The following SSX7 variants were observed in gnomAD, a reference collection of about 807,000 sequenced individuals.
The protein encoded by SSX7 is SSX family member 7.
SSX7 carries 15 observed loss-of-function variants against 14.7 expected under a neutral mutation model. The ratio of observed to expected loss-of-function variants is 1.02; its 90% CI spans 0.68 to 1.58. SSX7 has a LOEUF of 1.58. Among genes scored for constraint, SSX7 ranks in the 40% most tolerant of loss-of-function variants. The pLI, the probability that SSX7 is intolerant of heterozygous loss-of-function variation, is 0.00. For missense variants in SSX7, 178 were observed against 146.8 expected (o/e 1.21, Z -1.10); for synonymous variants, 46 against 50.6 (o/e 0.91, Z 0.38).
intron 4 of SSX7, 133 bp downstream of exon 4, chrX:52,652,119 T>C: frequency 5.9e-6 from 3 of 508,871 alleles, no homozygotes; most frequent in Non-Finnish European, 1.0e-5. Context: ...ACTTTCTGCA[T>C]GCAATTTTTT....
At chrX:52,644,784 C>G in intron 7 of SSX7, 114 bp from the exon 8 acceptor site, 1 of 834,128 alleles carries the variant, frequency 1.2e-6, no homozygotes, top group East Asian at 3.1e-5. Flanking sequence ...TGCCCTACCC[C>G]AGGACCTGCA....
chrX:52,653,111 A>T, intron 2 of SSX7, 127 bp from the exon 3 acceptor site: 1 of 1,169,872 alleles, frequency 8.5e-7, no homozygotes, highest in East Asian at 3.1e-5. Context: ...CGACAACATG[A>T]GCGACCTTTC....
chrX:52,652,636 A>C (rs1925472602), intron 3 of SSX7, among the ~76,000 whole-genome samples: 1 of 109,503 alleles, frequency 9.1e-6, no homozygotes, highest in Non-Finnish European at 1.9e-5. Flanking sequence ...TCATCAGAAC[A>C]GAAGCCTAAG....
intron 6 of SSX7, among the ~76,000 whole-genome samples, chrX:52,646,432 C>A (rs1205918959): frequency 8.9e-6 from 1 of 112,815 alleles, no homozygotes; most frequent in Non-Finnish European, 1.9e-5. Context: ...TTTTGATACA[C>A]GCATGCCATG....
At position 52,649,036 on chromosome X, in the gene SSX7, T is replaced by G. The variant is rs190009096; in HGVS notation, c.331-640A>C. On this transcript the variant is annotated intron_variant, in intron 5 of 7. Transcript: ENST00000298181. Reference sequence around the variant, plus strand: ...CCAACAATCTTAAGCTACTTTTTTTTTTGTTGTTTTGTTTTGAGACAGAGT... The same window carrying G: ...CCAACAATCTTAAGCTACTTTTTTTGTTGTTGTTTTGTTTTGAGACAGAGT... Among the ~76,000 whole-genome samples, 102 of 111,064 alleles carry G rather than the reference T, an allele frequency of 9.2e-4. 1 individual carries two copies. In the Middle Eastern group the frequency reaches 0.042, roughly 45 times the overall value.
chrX:52,648,327 TC>T lies in SSX7; in HGVS notation c.399del (p.Asn134ThrfsTer42), dbSNP rs782112183. The T allele has an allele frequency of 8.3e-7, 1 of 1,210,315 alleles. No homozygotes were observed. Among genetic ancestry groups the T allele is most frequent in the African/African-American group, 1.7e-5 (1 of 57,266 alleles). On this transcript the variant is annotated frameshift_variant, in exon 6 of 8. Coordinates refer to ENST00000298181, the MANE Select transcript of SSX7 (RefSeq NM_173358.2). LOFTEE classifies it high-confidence loss of function. ...GGAGGGCACAGGTGTTTCCCATCGT[TC>T]TGTGAGCCAGATGCTTCTGGCACTC... Reference protein sequence around the residue: ...SKGVPEASGSQNDGKHLCPPG... With the variant: ...SKGVPEASGSXNDGKHLCPPG...
chrX:52,648,519 C>T, intron 5 of SSX7, 123 bp from the exon 6 acceptor site: 4 of 1,036,707 alleles, frequency 3.9e-6, no homozygotes, highest in African/African-American at 1.9e-5. Flanking sequence ...GGGAGAGTTA[C>T]ACATGCCTAA....
rs1363987698 is a variant in SSX7, at chrX:52,653,426, T to G, written c.47A>C (p.Gln16Pro). ...AFARRPRAGAQIPEKIQKSFD... is the reference protein window; with the variant it reads ...AFARRPRAGAPIPEKIQKSFD... ...CACCTTTTGGATCTTCTCTGGTATT[T>G]GAGCACCAGCCCTAGGTCTCCTTGC... is the stretch of plus-strand genomic sequence containing the variant. Residue 16 changes from glutamine (Q) to proline (P), a missense_variant, in exon 2 of 8, where the codon CAA (glutamine) becomes CCA (proline). Gln to Pro is a moderately conservative substitution (Grantham distance 76, BLOSUM62 -1). Coordinates refer to ENST00000298181, the MANE Select transcript of SSX7 (RefSeq NM_173358.2). 8.3e-7 allele frequency: 1 copy of G among 1,211,555 alleles called. No homozygotes were observed. The highest frequency in any genetic ancestry group is 1.1e-6 in the Non-Finnish European group (1 of 895,425).
intron 5 of SSX7, among the ~76,000 whole-genome samples, chrX:52,649,232 T>C (rs782204645): frequency 9.0e-6 from 1 of 111,176 alleles, no homozygotes; most frequent in Admixed American, 9.6e-5. Context: ...GGTTTTACCA[T>C]GTTGGGCAGG....
chrX:52,649,258 T>C (rs1925348907), intron 5 of SSX7, among the ~76,000 whole-genome samples: 6 of 111,209 alleles, frequency 5.4e-5, no homozygotes, highest in Non-Finnish European at 3.8e-5. Flanking sequence ...CTTGACCTCT[T>C]GACCTAGTGA....
intron 5 of SSX7, 126 bp downstream of exon 5, chrX:52,650,227 G>C: frequency 1.2e-6 from 1 of 835,965 alleles, no homozygotes; most frequent in Admixed American, 2.5e-5. Context: ...GCTACATCAG[G>C]TGTTGTGATA....
rs186572153 is a variant in SSX7 at position 52,649,573 on chromosome X, C to A, written c.330+780G>T. ...GTGGGGTCACTCATTCAGGGGCCTC[C>A]GAGGGATCCCCTGGGCTGGGATGGG... On this transcript the variant is annotated intron_variant, in intron 5 of 7. Transcript: ENST00000298181. 8.9e-5 allele frequency among the ~76,000 whole-genome samples: 10 copies of A among 111,817 alleles called. No individual in the cohort carries two copies. The East Asian group carries it at 2.3e-3, about 25-fold the overall frequency.
At position 52,644,673 on chromosome X, in the gene SSX7, G is replaced by A. The variant is rs1925176189; in HGVS notation, c.*5-3C>T. The A allele has an allele frequency of 8.4e-7, 1 of 1,196,085 alleles. No individual in the cohort carries two copies. Among genetic ancestry groups the A allele is most frequent in the East Asian group, 3.0e-5 (1 of 33,811 alleles). On this transcript the variant is annotated splice_polypyrimidine_tract_variant and splice_region_variant and intron_variant, in intron 7 of 7. Transcript: ENST00000298181. ...GGGCATATGTCGTATCCCCGAGGCT[G>A]AGGCAAGAAGAGAGAAGGAAAGTAA...
chrX:52,647,543 T>C (rs1402410142), intron 6 of SSX7, among the ~76,000 whole-genome samples: 3 of 111,646 alleles, frequency 2.7e-5, no homozygotes, highest in Non-Finnish European at 5.6e-5. Flanking sequence ...GTTGTGTTCT[T>C]TTAAGAAACT....
At chrX:52,654,074 C>T (rs1480984471) in intron 1 of SSX7, among the ~76,000 whole-genome samples, 12 of 111,000 alleles carry the variant, frequency 1.1e-4, no homozygotes, top group African/African-American at 3.3e-4. Context: ...TACAAGAGCC[C>T]GCCATCACTT....
At position 52,652,331 on chromosome X, in the gene SSX7, G is replaced by A; in HGVS notation, c.201C>T (p.Leu67=). Residue 67 remains leucine (L), a synonymous_variant, in exon 4 of 8, where the codon CTC becomes CTT. Coordinates refer to ENST00000298181, the MANE Select transcript of SSX7 (RefSeq NM_173358.2). ...AMTKLGFKAT[L]PPFMHNTGAT... is the part of the protein sequence containing the mutation. ...CCCCTGTATTATGCATGAAAGGTGG[G>A]AGGGTGGCCTTGAAGCCTAGAAAGA... is the stretch of plus-strand genomic sequence containing the variant. The A allele has an allele frequency of 8.3e-7, 1 of 1,207,364 alleles. No homozygotes were observed. Among genetic ancestry groups the A allele is most frequent in the Admixed American group, 2.2e-5 (1 of 45,752 alleles).
chrX:52,654,348 G>A (rs1181248717), intron 1 of SSX7, among the ~76,000 whole-genome samples: 2 of 96,306 alleles, frequency 2.1e-5, no homozygotes, highest in Non-Finnish European at 4.1e-5. Context: ...GATCCCAGGA[G>A]GAAAGATTTG....
chrX:52,653,399 C>T lies in SSX7; in HGVS notation c.69+5G>A, dbSNP rs2146498796. ...CACTACTCTGCTCCCTCCAGGTCAC[C>T]TCACCTTTTGGATCTTCTCTGGTAT... On this transcript the variant is annotated splice_donor_5th_base_variant and intron_variant, in intron 2 of 7. Coordinates refer to ENST00000298181, the MANE Select transcript of SSX7 (RefSeq NM_173358.2). The T allele has an allele frequency of 8.3e-7, 1 of 1,211,434 alleles. No individual in the cohort carries two copies. The highest frequency in any genetic ancestry group is 1.1e-6 in the Non-Finnish European group (1 of 895,356).
At chrX:52,653,951 A>G (rs1160484876) in intron 1 of SSX7, among the ~76,000 whole-genome samples, 4 of 111,263 alleles carry the variant, frequency 3.6e-5, no homozygotes, top group African/African-American at 1.3e-4. Flanking sequence ...GCAGAGGGAT[A>G]GGGGGTTCTG....
Sources: allele counts gnomAD v4.1 joint callset (sites outside exome capture counted in the v4.1 genomes callset), GRCh38; gene constraint gnomAD v4.1.1; transcripts MANE v1.5; gene names NCBI Gene and HGNC (gene_info 2026-07-23, HGNC 2026-07-21).